The following DYNC1I1 variants were observed in gnomAD, a reference collection of about 807,000 sequenced individuals.
DYNC1I1 encodes dynein cytoplasmic 1 intermediate chain 1, also known as cytoplasmic dynein 1 intermediate chain 1.
A neutral mutation model predicts 86.6 loss-of-function variants in DYNC1I1; 43 were observed. The ratio of observed to expected loss-of-function variants is 0.50; its 90% CI spans 0.39 to 0.64. The LOEUF is 0.64. DYNC1I1 is among the 30% of genes least tolerant of loss of function. The pLI is 0.00. For missense variants in DYNC1I1, 604 were observed against 788.8 expected, an observed-to-expected ratio of 0.77 and a Z score of 2.81; for synonymous variants, 262 against 283.7, an observed-to-expected ratio of 0.92 and a Z score of 0.77.
At chr7:95,989,223 AG>A (rs1161141278) in intron 9 of DYNC1I1, among the ~76,000 whole-genome samples, 1 of 152,200 alleles carries the variant, frequency 6.6e-6, no homozygotes, top group Non-Finnish European at 1.5e-5. Context: ...ATCCTATTGG[AG>A]AACAGGGGAA....
chr7:95,837,916 A>G (rs188652268), intron 5 of DYNC1I1, among the ~76,000 whole-genome samples: 195 of 152,260 alleles, frequency 1.3e-3, no homozygotes, highest in South Asian at 6.0e-3. Context: ...GAAATGCAGA[A>G]ATCACCCGTC....
intron 6 of DYNC1I1, among the ~76,000 whole-genome samples, chr7:95,968,664 A>G (rs751355509): frequency 2.0e-5 from 3 of 152,176 alleles, no homozygotes; most frequent in Non-Finnish European, 4.4e-5. Context: ...AGATTTGCAC[A>G]TTGGGAAGAC....
chr7:96,057,639 A>G (rs1384319825), intron 14 of DYNC1I1, among the ~76,000 whole-genome samples: 1 of 152,128 alleles, frequency 6.6e-6, no homozygotes, highest in Non-Finnish European at 1.5e-5. Flanking sequence ...TATGATGTAA[A>G]TGTTTTTTAT....
chr7:95,958,283 A>G (rs1792772302), intron 6 of DYNC1I1, among the ~76,000 whole-genome samples: 1 of 152,228 alleles, frequency 6.6e-6, no homozygotes, highest in African/African-American at 2.4e-5. Context: ...TAAGAAAGGT[A>G]AATGATTAAG....
intron 14 of DYNC1I1, among the ~76,000 whole-genome samples, chr7:96,044,963 G>A (rs1378130748): frequency 6.6e-6 from 1 of 152,126 alleles, no homozygotes; most frequent in Non-Finnish European, 1.5e-5. Flanking sequence ...TGGAAATATG[G>A]GAATGAATGA....
intron 6 of DYNC1I1, among the ~76,000 whole-genome samples, chr7:95,955,351 C>A (rs191703173): frequency 6.6e-6 from 1 of 151,928 alleles, no homozygotes; most frequent in Admixed American, 6.6e-5. Context: ...AAGACAAGAT[C>A]CCACTCTGTC....
At chr7:95,841,537 C>G (rs929163451) in intron 5 of DYNC1I1, among the ~76,000 whole-genome samples, 1 of 152,176 alleles carries the variant, frequency 6.6e-6, no homozygotes, top group African/African-American at 2.4e-5. Context: ...AATATTGGGC[C>G]CTATCAGCTC....
chr7:95,998,585 C>T (rs938498035), intron 10 of DYNC1I1, among the ~76,000 whole-genome samples: 4 of 152,196 alleles, frequency 2.6e-5, no homozygotes, highest in Non-Finnish European at 5.9e-5. Context: ...GAAATCACGT[C>T]GTTTGAATGT....
At chr7:95,924,545 A>G (rs1209029824) in intron 6 of DYNC1I1, among the ~76,000 whole-genome samples, 1 of 152,178 alleles carries the variant, frequency 6.6e-6, no homozygotes. Flanking sequence ...CTTGCATTGT[A>G]TGTCCATCGG....
intron 5 of DYNC1I1, among the ~76,000 whole-genome samples, chr7:95,843,830 A>C (rs1789355342): frequency 6.6e-6 from 1 of 152,214 alleles, no homozygotes; most frequent in African/African-American, 2.4e-5. Flanking sequence ...AGGCCATTAT[A>C]ATAGATTAGG....
chr7:95,876,823 G>A (rs1303826925), intron 6 of DYNC1I1, among the ~76,000 whole-genome samples: 2 of 152,110 alleles, frequency 1.3e-5, no homozygotes, highest in Non-Finnish European at 2.9e-5. Context: ...TAGAGCACAT[G>A]GGGCATGTGA....
intron 12 of DYNC1I1, among the ~76,000 whole-genome samples, chr7:96,035,416 A>C (rs530643473): frequency 6.6e-6 from 1 of 152,334 alleles, no homozygotes; most frequent in Non-Finnish European, 1.5e-5. Context: ...GCACATGCTG[A>C]TGAAATCCAG....
At chr7:96,108,370 A>AAAAC (rs1416117474) in intron 16 of DYNC1I1, among the ~76,000 whole-genome samples, 34 of 152,226 alleles carry the variant, frequency 2.2e-4, no homozygotes, top group African/African-American at 7.9e-4. Context: ...GCAAAGGGAT[A>AAAAC]TTGTTTTAGA....
At chr7:96,019,539 C>T (rs1794490591) in intron 10 of DYNC1I1, among the ~76,000 whole-genome samples, 1 of 152,064 alleles carries the variant, frequency 6.6e-6, no homozygotes, top group Non-Finnish European at 1.5e-5. Flanking sequence ...AGCAGCCCAA[C>T]TGATGCTAAG....
chr7:95,994,890 T>C (rs954346833), intron 9 of DYNC1I1, among the ~76,000 whole-genome samples: 3 of 152,080 alleles, frequency 2.0e-5, no homozygotes, highest in African/African-American at 7.2e-5. Context: ...AAAGAAAATA[T>C]TCATTTGAAA....
chr7:95,989,474 CT>C (rs1793676334), intron 9 of DYNC1I1, among the ~76,000 whole-genome samples: 6 of 152,180 alleles, frequency 3.9e-5, no homozygotes, highest in Non-Finnish European at 8.8e-5. Flanking sequence ...CTTAGCTCAG[CT>C]TGTTCACTTG....
At chr7:96,044,489 T>A (rs1789148803) in intron 14 of DYNC1I1, among the ~76,000 whole-genome samples, 1 of 151,800 alleles carries the variant, frequency 6.6e-6, no homozygotes, top group South Asian at 2.1e-4. Context: ...TAGAGAGAGC[T>A]CAAGGATGTT....
chr7:96,108,457 G>A (rs1289179017), intron 16 of DYNC1I1, among the ~76,000 whole-genome samples: 1 of 152,082 alleles, frequency 6.6e-6, no homozygotes, highest in Non-Finnish European at 1.5e-5. Flanking sequence ...AAATGAATTA[G>A]GGAAGTAATC....
rs192034302 is a variant in DYNC1I1, at chr7:96,058,767, G to A, written c.1510-17290G>A. ...CTCCTGCCTCAGCCTCCTGAGGCAGGAAATTACAGGCATGTGCTACCATGC... is the reference window on the plus strand; with the variant it reads ...CTCCTGCCTCAGCCTCCTGAGGCAGAAAATTACAGGCATGTGCTACCATGC... On this transcript the variant is annotated intron_variant, in intron 14 of 16. Coordinates refer to ENST00000447467, the MANE Select transcript of DYNC1I1 (RefSeq NM_001135556.2). Among the ~76,000 whole-genome samples the A allele has an allele frequency of 4.8e-3, 719 of 150,072 alleles. 1 individual carries two copies. Among genetic ancestry groups the A allele is most frequent in the Admixed American group, 0.011 (163 of 15,040 alleles).
Sources: gnomAD v4.1 joint callset for allele counts (sites outside exome capture counted in the v4.1 genomes callset) on GRCh38, gnomAD v4.1.1 for gene constraint, MANE v1.5 for transcripts, NCBI Gene and HGNC (gene_info 2026-07-23, HGNC 2026-07-21) for gene names.